The following MAP2 variants were observed in gnomAD, a reference collection of about 807,000 sequenced individuals.
The protein encoded by MAP2 is microtubule-associated protein 2.
In MAP2, 14 loss-of-function variants were observed where a neutral mutation model predicts 137.6. The observed-to-expected ratio is 0.10, with a 90% confidence interval of 0.07 to 0.16. MAP2 has a LOEUF of 0.16. Among genes scored for constraint, MAP2 ranks in the 10% least tolerant of loss-of-function variants. The pLI is 1.00. For missense variants in MAP2, 2,088 were observed against 2,191.5 expected (o/e 0.95, Z 0.94); for synonymous variants, 786 against 782.3 (o/e 1.00, Z -0.08).
chr2:209,500,984 G>A (rs1355569699), intron 1 of MAP2, among the ~76,000 whole-genome samples: 1 of 140,514 alleles, frequency 7.1e-6, no homozygotes, highest in Non-Finnish European at 1.5e-5. Flanking sequence ...ACTGGAGTGA[G>A]CCATGATCAT....
chr2:209,588,489 T>G (rs936706434), intron 3 of MAP2, among the ~76,000 whole-genome samples: 5 of 152,196 alleles, frequency 3.3e-5, no homozygotes, highest in Non-Finnish European at 7.4e-5. Flanking sequence ...GATACTCCAT[T>G]TAATGCATTA....
intron 7 of MAP2, among the ~76,000 whole-genome samples, chr2:209,692,371 G>T (rs1221909846): frequency 6.8e-6 from 1 of 146,536 alleles, no homozygotes; most frequent in African/African-American, 2.5e-5. Flanking sequence ...AAAGAGAAAA[G>T]AATATCCAGA....
intron 1 of MAP2, among the ~76,000 whole-genome samples, chr2:209,484,868 G>A (rs1404468072): frequency 1.3e-5 from 2 of 152,046 alleles, no homozygotes; most frequent in Non-Finnish European, 2.9e-5. Flanking sequence ...ATTGTCTATT[G>A]TCAACTATTA....
chr2:209,654,343 G>A (rs543245535), intron 5 of MAP2, among the ~76,000 whole-genome samples: 8 of 152,340 alleles, frequency 5.3e-5, no homozygotes, highest in African/African-American at 1.7e-4. Flanking sequence ...AAATCCATGT[G>A]AAATGGAAGA....
chr2:209,564,276 A>T (rs1401795177), intron 2 of MAP2, among the ~76,000 whole-genome samples: 1 of 152,192 alleles, frequency 6.6e-6, no homozygotes, highest in Admixed American at 6.5e-5. Flanking sequence ...TCATATTCAC[A>T]TATAGATTGA....
intron 2 of MAP2, among the ~76,000 whole-genome samples, chr2:209,552,013 AAG>A: frequency 6.6e-6 from 1 of 152,332 alleles, no homozygotes; most frequent in South Asian, 2.1e-4. Flanking sequence ...AAATGGCTCA[AAG>A]TGCATAAATA....
intron 2 of MAP2, among the ~76,000 whole-genome samples, chr2:209,572,315 C>T (rs953892059): frequency 3.3e-5 from 5 of 151,994 alleles, no homozygotes; most frequent in South Asian, 2.1e-4. Context: ...CCACATGCAA[C>T]GCGTATCTCA....
intron 2 of MAP2, among the ~76,000 whole-genome samples, chr2:209,534,602 C>T (rs1316555212): frequency 1.3e-5 from 2 of 152,220 alleles, no homozygotes; most frequent in African/African-American, 4.8e-5. Context: ...TTCAAACTAA[C>T]TTCTGACTTA....
intron 13 of MAP2, chr2:209,723,735 C>T (rs750881420): frequency 1.6e-5 from 21 of 1,279,656 alleles, no homozygotes; most frequent in Non-Finnish European, 2.3e-5. Flanking sequence ...CGTGGAGCCA[C>T]CTGCACAGCC....
At chr2:209,541,945 A>G (rs766799090) in intron 2 of MAP2, among the ~76,000 whole-genome samples, 19 of 152,362 alleles carry the variant, frequency 1.2e-4, no homozygotes, top group East Asian at 1.9e-4. Flanking sequence ...ACCATGAATC[A>G]TAAATGTTCT....
chr2:209,498,601 T>C (rs1434908087), intron 1 of MAP2, among the ~76,000 whole-genome samples: 1 of 152,216 alleles, frequency 6.6e-6, no homozygotes, highest in Non-Finnish European at 1.5e-5. Context: ...TTTCTACACA[T>C]CCTTTGAAAT....
At chr2:209,656,437 G>A (rs2095152134) in intron 5 of MAP2, among the ~76,000 whole-genome samples, 1 of 152,008 alleles carries the variant, frequency 6.6e-6, no homozygotes, top group Non-Finnish European at 1.5e-5. Context: ...TGAGCCCAGG[G>A]AGGTCAAGAC....
chr2:209,574,460 C>CACAG (rs1491008720), intron 2 of MAP2, among the ~76,000 whole-genome samples: 2 of 141,236 alleles, frequency 1.4e-5, no homozygotes, highest in African/African-American at 5.3e-5. Context: ...CACACACACA[C>CACAG]AGACACAGAG....
intron 13 of MAP2, among the ~76,000 whole-genome samples, chr2:209,711,698 A>G (rs990192880): frequency 1.3e-5 from 2 of 152,164 alleles, no homozygotes; most frequent in African/African-American, 4.8e-5. Flanking sequence ...GAAATATTCA[A>G]ATGTTGCATC....
intron 2 of MAP2, chr2:209,579,194 A>G (rs914948800): frequency 1.3e-5 from 2 of 152,114 alleles, no homozygotes; most frequent in African/African-American, 4.8e-5. Flanking sequence ...AGTCATGTCC[A>G]GTTTGTGTAG....
chr2:209,584,398 C>T (rs2077207047), intron 3 of MAP2, among the ~76,000 whole-genome samples: 1 of 152,046 alleles, frequency 6.6e-6, no homozygotes, highest in South Asian at 2.1e-4. Flanking sequence ...GAGTATAAAG[C>T]AGAAAAACAG....
At chr2:209,616,063 A>G (rs2089227723) in intron 3 of MAP2, among the ~76,000 whole-genome samples, 1 of 152,012 alleles carries the variant, frequency 6.6e-6, no homozygotes. Flanking sequence ...TGCTCAATAA[A>G]ATTCTTCTCC....
chr2:209,705,990 T>C (rs2063284576), intron 12 of MAP2, among the ~76,000 whole-genome samples: 1 of 152,162 alleles, frequency 6.6e-6, no homozygotes, highest in South Asian at 2.1e-4. Flanking sequence ...ATATTTTTCT[T>C]TTTGCTTCAA....
At chr2:209,499,089 A>G (rs925578945) in intron 1 of MAP2, among the ~76,000 whole-genome samples, 2 of 152,172 alleles carry the variant, frequency 1.3e-5, no homozygotes, top group African/African-American at 2.4e-5. Context: ...TTTTAAATAT[A>G]AATTCCAATT....
Sources: allele counts gnomAD v4.1 joint callset (sites outside exome capture counted in the v4.1 genomes callset), GRCh38; gene constraint gnomAD v4.1.1; transcripts MANE v1.5; gene names NCBI Gene and HGNC (gene_info 2026-07-23, HGNC 2026-07-21).